SLC4A4: variants seen among roughly 807,000 people sequenced by gnomAD.
SLC4A4 encodes solute carrier family 4 member 4.
SLC4A4 carries 27 observed loss-of-function variants against 111.5 expected under a neutral mutation model. That is an observed-to-expected ratio of 0.24 (90% CI 0.18 to 0.33). SLC4A4 has a LOEUF of 0.33. Among genes scored for constraint, SLC4A4 ranks in the 10% least tolerant of loss-of-function variants. SLC4A4 has a pLI of 1.00. For synonymous variants in SLC4A4, 443 were observed against 463.4 expected (o/e 0.96, Z 0.57); for missense variants, 909 against 1,315.5 (o/e 0.69, Z 4.78).
At chr4:71,423,791 T>G (rs1379708000) in intron 7 of SLC4A4, among the ~76,000 whole-genome samples, 1 of 152,204 alleles carries the variant, frequency 6.6e-6, no homozygotes, top group Non-Finnish European at 1.5e-5. Context: ...TAGCCATATG[T>G]AGAAAGCTGA....
At chr4:71,423,242 C>T (rs1249938084) in intron 7 of SLC4A4, among the ~76,000 whole-genome samples, 1 of 152,134 alleles carries the variant, frequency 6.6e-6, no homozygotes, top group Non-Finnish European at 1.5e-5. Context: ...TTAACAATTG[C>T]TTCAAAGAGA....
At chr4:71,150,764 G>A (rs564551563) in intron 2 of SLC4A4, among the ~76,000 whole-genome samples, 1 of 152,230 alleles carries the variant, frequency 6.6e-6, no homozygotes, top group Non-Finnish European at 1.5e-5. Flanking sequence ...CGGTCCTTAA[G>A]TTGCCAAGTG....
chr4:71,545,664 A>C (rs1447045916), intron 18 of SLC4A4, among the ~76,000 whole-genome samples: 1 of 152,024 alleles, frequency 6.6e-6, no homozygotes. Flanking sequence ...ATTCTGATTA[A>C]GGGAGTGTTT....
intron 18 of SLC4A4, among the ~76,000 whole-genome samples, chr4:71,536,475 T>C (rs1456168963): frequency 1.1e-5 from 1 of 91,930 alleles, no homozygotes. Context: ...CATATATATA[T>C]ATATATATAT....
chr4:71,368,615 C>T (rs1046962225), intron 6 of SLC4A4, among the ~76,000 whole-genome samples: 1 of 152,170 alleles, frequency 6.6e-6, no homozygotes, highest in Non-Finnish European at 1.5e-5. Context: ...GACACCCTGC[C>T]CCCTGTGCTT....
chr4:71,107,847 A>T (rs1394552350), intron 2 of SLC4A4, among the ~76,000 whole-genome samples: 8 of 135,796 alleles, frequency 5.9e-5, no homozygotes, highest in African/African-American at 2.1e-4. Flanking sequence ...AGCTGGGACT[A>T]CAGGCAAACA....
chr4:71,243,564 T>A (rs1720413048), intron 2 of SLC4A4, among the ~76,000 whole-genome samples: 1 of 152,148 alleles, frequency 6.6e-6, no homozygotes, highest in South Asian at 2.1e-4. Flanking sequence ...CTGATTGCAT[T>A]TAGGTGACTG....
At chr4:71,147,909 G>A (rs571463787) in intron 2 of SLC4A4, among the ~76,000 whole-genome samples, 1 of 152,122 alleles carries the variant, frequency 6.6e-6, no homozygotes, top group Admixed American at 6.6e-5. Context: ...TCCATAAGCT[G>A]TGACTCTAGA....
intron 6 of SLC4A4, among the ~76,000 whole-genome samples, chr4:71,364,340 C>T (rs1014777709): frequency 6.6e-6 from 1 of 152,130 alleles, no homozygotes; most frequent in Non-Finnish European, 1.5e-5. Context: ...TGCATATAAC[C>T]AGGAATAAAT....
intron 15 of SLC4A4, 138 bp downstream of exon 15, chr4:71,487,156 A>T: frequency 1.9e-6 from 1 of 518,590 alleles, no homozygotes. Context: ...TTGACAGTGG[A>T]GGGACGGGAA....
intron 7 of SLC4A4, among the ~76,000 whole-genome samples, chr4:71,430,941 T>G (rs1723592255): frequency 6.6e-6 from 1 of 152,152 alleles, no homozygotes; most frequent in Non-Finnish European, 1.5e-5. Flanking sequence ...ATCTAGGTCT[T>G]TTGTCCACAT....
At chr4:71,268,344 G>C (rs532990271) in intron 3 of SLC4A4, among the ~76,000 whole-genome samples, 1 of 152,110 alleles carries the variant, frequency 6.6e-6, no homozygotes, top group Admixed American at 6.5e-5. Flanking sequence ...TGTGACTCAC[G>C]TGATGTAAGG....
chr4:71,161,253 A>G (rs1744610154), intron 2 of SLC4A4, among the ~76,000 whole-genome samples: 1 of 152,228 alleles, frequency 6.6e-6, no homozygotes, highest in South Asian at 2.1e-4. Context: ...CCTAAAGGGA[A>G]GTACAGTGTT....
intron 3 of SLC4A4, among the ~76,000 whole-genome samples, chr4:71,316,145 G>A (rs1415143732): frequency 6.6e-6 from 1 of 152,172 alleles, no homozygotes; most frequent in Non-Finnish European, 1.5e-5. Flanking sequence ...CAACATTATA[G>A]CAGTGTCAGT....
intron 2 of SLC4A4, among the ~76,000 whole-genome samples, chr4:71,146,147 G>A (rs1346090914): frequency 6.6e-6 from 1 of 152,136 alleles, no homozygotes; most frequent in African/African-American, 2.4e-5. Context: ...GGTATGTTGT[G>A]TCTTTGTTCT....
intron 1 of SLC4A4, among the ~76,000 whole-genome samples, chr4:71,087,398 A>G (rs1475263005): frequency 6.6e-6 from 1 of 151,548 alleles, no homozygotes; most frequent in Non-Finnish European, 1.5e-5. Flanking sequence ...TTGTGTCTCT[A>G]TCTCCTTCAG....
At chr4:71,346,150 CT>C (rs918005547) in intron 4 of SLC4A4, among the ~76,000 whole-genome samples, 16 of 151,638 alleles carry the variant, frequency 1.1e-4, no homozygotes, top group African/African-American at 1.7e-4. Flanking sequence ...CCCAGTGGGT[CT>C]TTTTTTTCTT....
intron 2 of SLC4A4, among the ~76,000 whole-genome samples, chr4:71,160,337 C>CT (rs11307159): frequency 0.19 from 28,478 of 147,206 alleles, 3,267 homozygotes; most frequent in South Asian, 0.34. Flanking sequence ...TAACTCCAGG[C>CT]TTTTTTTTTT....
At chr4:71,198,092 C>A (rs955758141) in intron 1 of SLC4A4, among the ~76,000 whole-genome samples, 1 of 152,132 alleles carries the variant, frequency 6.6e-6, no homozygotes, top group Non-Finnish European at 1.5e-5. Flanking sequence ...GAGAGTAGAA[C>A]TTCTTTATGG....
Sources: allele counts gnomAD v4.1 joint callset (sites outside exome capture counted in the v4.1 genomes callset), GRCh38; gene constraint gnomAD v4.1.1; transcripts MANE v1.5; gene names NCBI Gene and HGNC (gene_info 2026-07-23, HGNC 2026-07-21).